CIT: variants seen among roughly 807,000 people sequenced by gnomAD.
The protein encoded by CIT is citron rho-interacting serine/threonine kinase.
A neutral mutation model predicts 272.7 loss-of-function variants in CIT; 79 were observed. The ratio of observed to expected loss-of-function variants is 0.29; its 90% CI spans 0.24 to 0.35. CIT has a LOEUF of 0.35. Among genes scored for constraint, CIT ranks in the 10% least tolerant of loss-of-function variants. The probability of loss-of-function intolerance (pLI) is 1.00; values close to 1 mark genes in which losing one functional copy is unlikely to be tolerated. For synonymous variants in CIT, 948 were observed against 995.6 expected (o/e 0.95, Z 0.90); for missense variants, 1,909 against 2,618.3 (o/e 0.73, Z 5.91).
chr12:119,749,690 C>T (rs1959951772), intron 23 of CIT, among the ~76,000 whole-genome samples: 1 of 152,062 alleles, frequency 6.6e-6, no homozygotes, highest in Admixed American at 6.5e-5. Flanking sequence ...AGCAACAGAG[C>T]CCTAGTTTCT....
At chr12:119,744,714 C>CCCCAAAA (rs1959185438) in intron 23 of CIT, among the ~76,000 whole-genome samples, 1 of 103,538 alleles carries the variant, frequency 9.7e-6, no homozygotes, top group Non-Finnish European at 1.8e-5. Context: ...GACTCCGCCT[C>CCCCAAAA]AAAAAAAAAA....
At chr12:119,796,492 G>A (rs986071759) in intron 10 of CIT, among the ~76,000 whole-genome samples, 14 of 152,292 alleles carry the variant, frequency 9.2e-5, no homozygotes, top group Admixed American at 6.5e-4. Flanking sequence ...TTGCCTAGAA[G>A]GGTAGGGAAG....
At chr12:119,733,442 G>A (rs1183264636) in intron 26 of CIT, among the ~76,000 whole-genome samples, 1 of 149,786 alleles carries the variant, frequency 6.7e-6, no homozygotes, top group Non-Finnish European at 1.5e-5. Flanking sequence ...GCTGAAGAAG[G>A]AGAATTCCTC....
chr12:119,801,690 G>A lies in CIT; in HGVS notation c.1295+1516C>T, dbSNP rs190274884. ...ATGCATCCTTCAACATCAGGCCTCC[G>A]CTTCTGCCCTGCTCTTTGATGCCAA... is the stretch of plus-strand genomic sequence containing the variant. On this transcript the variant is annotated intron_variant, in intron 10 of 47. Coordinates refer to ENST00000392521, the MANE Select transcript of CIT (RefSeq NM_001206999.2). 4.1e-4 allele frequency among the ~76,000 whole-genome samples: 63 copies of A among 152,202 alleles called. 1 individual carries two copies. The highest frequency in any genetic ancestry group is 3.0e-3 in the Admixed American group (46 of 15,276).
At chr12:119,809,633 C>A (rs1966787002) in intron 9 of CIT, among the ~76,000 whole-genome samples, 1 of 152,174 alleles carries the variant, frequency 6.6e-6, no homozygotes, top group African/African-American at 2.4e-5. Flanking sequence ...CTTCCCCCAC[C>A]TTTCTGACTT....
intron 18 of CIT, 86 bp from the exon 19 acceptor site, chr12:119,767,268 G>T: frequency 9.7e-7 from 1 of 1,034,110 alleles, no homozygotes; most frequent in Non-Finnish European, 1.4e-6. Context: ...ACATGACTTT[G>T]GTACAGGTAC....
intron 9 of CIT, among the ~76,000 whole-genome samples, chr12:119,821,481 T>TGGG (rs1967717518): frequency 6.6e-6 from 1 of 152,168 alleles, no homozygotes; most frequent in African/African-American, 2.4e-5. Flanking sequence ...ACACATCCAC[T>TGGG]GGGAGACTTG....
At chr12:119,865,765 G>A (rs1434327432) in intron 3 of CIT, among the ~76,000 whole-genome samples, 1 of 151,794 alleles carries the variant, frequency 6.6e-6, no homozygotes, top group African/African-American at 2.4e-5. Flanking sequence ...AGCTACTGAG[G>A]AGGCTGAGGC....
intron 3 of CIT, among the ~76,000 whole-genome samples, chr12:119,863,053 T>G (rs1211045865): frequency 6.7e-6 from 1 of 148,588 alleles, no homozygotes. Flanking sequence ...AATACAAAAA[T>G]TAGCCTGGCA....
At chr12:119,741,919 G>T (rs1207457320) in intron 24 of CIT, among the ~76,000 whole-genome samples, 1 of 152,180 alleles carries the variant, frequency 6.6e-6, no homozygotes, top group African/African-American at 2.4e-5. Flanking sequence ...GAATTTGCAT[G>T]TTGGGAAGCC....
intron 47 of CIT, among the ~76,000 whole-genome samples, chr12:119,689,925 C>T (rs548597074): frequency 5.3e-5 from 8 of 152,230 alleles, no homozygotes; most frequent in South Asian, 2.1e-4. Context: ...GTGATCCACC[C>T]GCCTCGGCCT....
intron 37 of CIT, chr12:119,711,194 G>C (rs1957142678): frequency 1.1e-6 from 1 of 916,338 alleles, no homozygotes; most frequent in East Asian, 5.1e-5. Context: ...GCCCTTTTCA[G>C]GAGGCTTGTG....
intron 13 of CIT, among the ~76,000 whole-genome samples, chr12:119,777,806 G>A (rs1415819417): frequency 6.6e-6 from 1 of 151,984 alleles, no homozygotes; most frequent in African/African-American, 2.4e-5. Flanking sequence ...AGAGCCAAAA[G>A]GGATGTTCTT....
At position 119,804,081 on chromosome 12, in the gene CIT, CAAAT is replaced by C. The variant is rs140476662; in HGVS notation, c.1112-696_1112-693del. The C allele has an allele frequency of 4.3e-3, 3,371 of 783,772 alleles. 98 individuals carry two copies. The African/African-American group carries it at 0.059, about 14-fold the overall frequency. The allele number at this position is 783,772 out of a possible 1,614,324, so 48.6% of individuals were successfully genotyped here. ...TTAATCAGCATAATGAAGCACCAGC[CAAAT>C]AAAGTTCCTACCGGTGATCTACAGC... On this transcript the variant is annotated intron_variant, in intron 9 of 47. Coordinates refer to ENST00000392521, the MANE Select transcript of CIT (RefSeq NM_001206999.2). This position sits in a 1 kb window ranked among gnomAD's most constrained non-coding sequence, Gnocchi z 5.3.
rs1968742678 is a variant in CIT at position 119,832,861 on chromosome 12, G to A, written c.663C>T (p.Asp221=). ...SVHLMGYVHR[D]IKPENILVDR... is the part of the protein sequence containing the mutation. ...CAACGAGAATGTTCTCAGGCTTGAT[G>A]TCTCTGTAAGAAAATCAGGACCATG... Residue 221 remains aspartate (D), a synonymous_variant, in exon 7 of 48, where the codon GAC becomes GAT. Coordinates refer to ENST00000392521, the MANE Select transcript of CIT (RefSeq NM_001206999.2). 6.2e-7 allele frequency: 1 copy of A among 1,612,410 alleles called. No homozygotes were observed. Among genetic ancestry groups the A allele is most frequent in the African/African-American group, 1.3e-5 (1 of 75,000 alleles).
At chr12:119,858,877 G>A (rs187710625) in intron 3 of CIT, among the ~76,000 whole-genome samples, 1 of 152,034 alleles carries the variant, frequency 6.6e-6, no homozygotes, top group East Asian at 1.9e-4. Context: ...GAACTAAATG[G>A]GGTTCTGACA....
At chr12:119,709,517 G>T (rs1394787110) in intron 39 of CIT, among the ~76,000 whole-genome samples, 2 of 152,130 alleles carry the variant, frequency 1.3e-5, no homozygotes, top group African/African-American at 4.8e-5. Context: ...GATTAAGAAA[G>T]GCCAGTTCTT....
At position 119,705,451 on chromosome 12, in the gene CIT, C is replaced by T. The variant is rs1035656325; in HGVS notation, c.5212-996G>A. Among the ~76,000 whole-genome samples the T allele has an allele frequency of 2.6e-5, 4 of 152,082 alleles. No individual in the cohort carries two copies. In the East Asian group the frequency reaches 5.8e-4, roughly 22 times the overall value. On this transcript the variant is annotated intron_variant, in intron 40 of 47. Coordinates refer to ENST00000392521, the MANE Select transcript of CIT (RefSeq NM_001206999.2). ...AAGATGGGCCGGGATAAGGGAGGAA[C>T]ACACAAGAAAAGGGAAATTGTTAGC...
intron 20 of CIT, 27 bp downstream of exon 20, chr12:119,760,912 A>C (rs912974659): frequency 6.9e-7 from 1 of 1,451,976 alleles, no homozygotes; most frequent in Non-Finnish European, 9.7e-7. Context: ...TCCTTTGAAC[A>C]CTGGCTTGGC....
Sources: gnomAD v4.1 joint callset for allele counts (sites outside exome capture counted in the v4.1 genomes callset) on GRCh38, gnomAD v4.1.1 for gene constraint, Gnocchi (gnomAD v3.1) non-coding constraint, MANE v1.5 for transcripts, NCBI Gene and HGNC (gene_info 2026-07-23, HGNC 2026-07-21) for gene names.